The following ZNF560 variants were observed in gnomAD, a reference collection of about 807,000 sequenced individuals.
ZNF560 encodes zinc finger protein 560.
A neutral mutation model predicts 81.8 loss-of-function variants in ZNF560; 54 were observed. That is an observed-to-expected ratio of 0.66 (90% CI 0.53 to 0.83). The LOEUF is 0.83. Among genes scored for constraint, ZNF560 ranks in the 40% least tolerant of loss-of-function variants. ZNF560 has a pLI of 0.00. For synonymous variants in ZNF560, 321 were observed against 317.9 expected, an observed-to-expected ratio of 1.01 and a Z score of -0.10; for missense variants, 940 against 932.4, an observed-to-expected ratio of 1.01 and a Z score of -0.11.
upstream of ZNF560, among the ~76,000 whole-genome samples, chr19:9,502,167 AG>A (rs1222439968): frequency 5.2e-4 from 78 of 149,042 alleles, no homozygotes; most frequent in African/African-American, 1.8e-3. Context: ...AAAGAAAAAA[AG>A]AAAAAAAAAA....
the ZNF560 span, among the ~76,000 whole-genome samples, chr19:9,450,464 A>T: frequency 1.3e-5 from 2 of 152,182 alleles, no homozygotes; most frequent in Admixed American, 1.3e-4. Context: ...CTCTGACAAA[A>T]GGCCCCTGGA....
chr19:9,505,468 T>C, the ZNF560 span, among the ~76,000 whole-genome samples: 1 of 152,246 alleles, frequency 6.6e-6, no homozygotes, highest in Admixed American at 6.5e-5. Flanking sequence ...TATTATTTCA[T>C]CCATTCTTCA....
chr19:9,449,751 C>T, the ZNF560 span, among the ~76,000 whole-genome samples: 3 of 151,640 alleles, frequency 2.0e-5, no homozygotes. Context: ...GGTGGATCAC[C>T]TGAGGTGAGG....
At position 9,475,386 on chromosome 19, in the gene ZNF560, G is replaced by A; in HGVS notation, c.-56-17C>T. On this transcript the variant is annotated splice_polypyrimidine_tract_variant and intron_variant, in intron 2 of 9. Coordinates refer to ENST00000301480, the MANE Select transcript of ZNF560 (RefSeq NM_152476.3). ...TAGAAAGACCTGGAAAAGAAAGAAG[G>A]CATAAGAGCCCAGACATAATCACAG... 1.4e-6 allele frequency: 2 copies of A among 1,458,884 alleles called. No individual in the cohort carries two copies. Among genetic ancestry groups the A allele is most frequent in the Non-Finnish European group, 9.6e-7 (1 of 1,046,456 alleles). The allele number at this position is 1,458,884 out of a possible 1,614,324, so 90.4% of individuals were successfully genotyped here. A position where few individuals can be genotyped will look rare whatever the true frequency, so the allele number is the denominator to read the frequency against.
chr19:9,501,219 G>A (rs142947557), upstream of ZNF560, among the ~76,000 whole-genome samples: 189 of 146,234 alleles, frequency 1.3e-3, 4 homozygotes, highest in East Asian at 0.033. Flanking sequence ...GAGTGCAGTG[G>A]CACAATCTTG....
intron 3 of ZNF560, among the ~76,000 whole-genome samples, chr19:9,474,752 G>A (rs1258764679): frequency 6.6e-6 from 1 of 151,682 alleles, no homozygotes; most frequent in Non-Finnish European, 1.5e-5. Context: ...TTGACTTACT[G>A]GGCTCAAGTG....
Position 9,482,095 on chromosome 19 carries a change from T to TA in ZNF560, c.-56-6727dup, listed in dbSNP as rs1313021620. 2.6e-5 allele frequency among the ~76,000 whole-genome samples: 4 copies of TA among 152,050 alleles called. No homozygotes were observed. In the East Asian group the frequency reaches 7.8e-4, roughly 29 times the overall value. ...TACACAATGGAATACTATGCAGCCA[T>TA]AAAAAAGGATGAGTTCATGTCCTTT... On this transcript the variant is annotated intron_variant, in intron 2 of 9. Transcript: ENST00000301480.
At chr19:9,448,477 C>T in the ZNF560 span, among the ~76,000 whole-genome samples, 1 of 144,730 alleles carries the variant, frequency 6.9e-6, no homozygotes, top group Admixed American at 7.1e-5. Flanking sequence ...CTGAGGTGTC[C>T]ACCCTCCTCA....
At chr19:9,476,319 G>A (rs113930164) in intron 2 of ZNF560, among the ~76,000 whole-genome samples, 5,279 of 152,048 alleles carry the variant, frequency 0.035, 327 homozygotes, top group African/African-American at 0.12. Context: ...TTGAAACAGA[G>A]TCTTGCTCTG....
At chr19:9,506,114 T>C in the ZNF560 span, among the ~76,000 whole-genome samples, 2 of 151,944 alleles carry the variant, frequency 1.3e-5, no homozygotes, top group African/African-American at 2.4e-5. Flanking sequence ...TGCCTAAGCC[T>C]CCCAAGTAAC....
chr19:9,455,486 G>A, the ZNF560 span, among the ~76,000 whole-genome samples: 2 of 152,208 alleles, frequency 1.3e-5, no homozygotes, highest in East Asian at 3.9e-4. Context: ...AGACGCACAA[G>A]TGGTCATGCA....
chr19:9,480,475 C>A (rs2073269756), intron 2 of ZNF560, among the ~76,000 whole-genome samples: 1 of 151,856 alleles, frequency 6.6e-6, no homozygotes, highest in Non-Finnish European at 1.5e-5. Context: ...TAACACTGCA[C>A]CTTGAGGACT....
the ZNF560 span, among the ~76,000 whole-genome samples, chr19:9,459,141 C>T: frequency 1.3e-5 from 2 of 152,174 alleles, no homozygotes; most frequent in Admixed American, 6.5e-5. Context: ...TTCTCAAGGA[C>T]AAGCTATAGT....
At chr19:9,497,238 T>C (rs1372300413) in intron 2 of ZNF560, among the ~76,000 whole-genome samples, 2 of 152,196 alleles carry the variant, frequency 1.3e-5, no homozygotes, top group African/African-American at 2.4e-5. Flanking sequence ...ATAACATTAT[T>C]ATTTTTAATT....
chr19:9,458,725 G>C, the ZNF560 span, among the ~76,000 whole-genome samples: 1 of 152,166 alleles, frequency 6.6e-6, no homozygotes, highest in Non-Finnish European at 1.5e-5. Flanking sequence ...TCTAATGCTA[G>C]ACAATTCCAC....
At chr19:9,451,592 G>T in the ZNF560 span, among the ~76,000 whole-genome samples, 1 of 152,184 alleles carries the variant, frequency 6.6e-6, no homozygotes, top group East Asian at 1.9e-4. Context: ...AAAAGCAACT[G>T]CAATAAAAAC....
At chr19:9,468,441 A>C in intron 9 of ZNF560, 107 bp from the exon 10 acceptor site, 1 of 802,732 alleles carries the variant, frequency 1.2e-6, no homozygotes, top group Non-Finnish European at 1.9e-6. Flanking sequence ...CTTTTATAAC[A>C]TGCATATAGT....
chr19:9,494,025 T>C (rs574607285), intron 2 of ZNF560, among the ~76,000 whole-genome samples: 1 of 148,530 alleles, frequency 6.7e-6, no homozygotes, highest in South Asian at 2.1e-4. Context: ...CCCAGCTACT[T>C]GGAAGCTGAG....
chr19:9,465,015 A>G (rs1418840872), downstream of ZNF560, among the ~76,000 whole-genome samples: 1 of 152,226 alleles, frequency 6.6e-6, no homozygotes, highest in African/African-American at 2.4e-5. Context: ...ATTACAGGTA[A>G]ACACCAAAGT....
Sources: gnomAD v4.1 joint callset for allele counts (sites outside exome capture counted in the v4.1 genomes callset) on GRCh38, gnomAD v4.1.1 for gene constraint, MANE v1.5 for transcripts, NCBI Gene and HGNC (gene_info 2026-07-23, HGNC 2026-07-21) for gene names.